The following SGCD variants were observed in gnomAD, a reference collection of about 807,000 sequenced individuals.
SGCD encodes the protein delta-sarcoglycan.
Under a neutral mutation model 36.6 loss-of-function variants are expected in SGCD, and 18 were observed. That is an observed-to-expected ratio of 0.49 (90% CI 0.34 to 0.73). The LOEUF is 0.73. SGCD is among the 30% of genes least tolerant of loss of function. SGCD has a pLI of 0.01. For missense variants in SGCD, 387 were observed against 346.7 expected (o/e 1.12, Z -0.92); for synonymous variants, 133 against 130.6 (o/e 1.02, Z -0.12).
upstream of SGCD, among the ~76,000 whole-genome samples, chr5:156,322,520 C>T (rs931955313): frequency 1.3e-5 from 2 of 152,020 alleles, no homozygotes; most frequent in African/African-American, 4.8e-5. Context: ...TATGTATATA[C>T]AACTAAAATA....
chr5:155,896,519 G>A (rs555319307), intron 1 of SGCD, among the ~76,000 whole-genome samples: 18 of 151,114 alleles, frequency 1.2e-4, no homozygotes, highest in South Asian at 1.1e-3. Flanking sequence ...GATGATGTGC[G>A]CTTATAGTTC....
intron 1 of SGCD, among the ~76,000 whole-genome samples, chr5:156,083,401 T>A (rs1380072831): frequency 6.6e-6 from 1 of 151,982 alleles, no homozygotes; most frequent in Non-Finnish European, 1.5e-5. Context: ...TCCAAGTGAT[T>A]CTCCCACCAC....
upstream of SGCD, among the ~76,000 whole-genome samples, chr5:155,868,224 G>T (rs1385967310): frequency 6.6e-6 from 1 of 151,780 alleles, no homozygotes; most frequent in East Asian, 1.9e-4. Context: ...GCTAATTTTT[G>T]TATTTTTACT....
intron 7 of SGCD, among the ~76,000 whole-genome samples, chr5:156,706,448 C>T (rs1000859493): frequency 2.6e-5 from 4 of 152,046 alleles, no homozygotes; most frequent in African/African-American, 7.2e-5. Flanking sequence ...TCCTTAACCC[C>T]GCCTTAAGAC....
chr5:156,085,668 C>G (rs1761074122), intron 1 of SGCD, among the ~76,000 whole-genome samples: 1 of 152,130 alleles, frequency 6.6e-6, no homozygotes, highest in African/African-American at 2.4e-5. Flanking sequence ...AGTCTATTTT[C>G]TATTTTCTGA....
intron 4 of SGCD, among the ~76,000 whole-genome samples, chr5:156,529,104 AG>A (rs1757767737): frequency 6.6e-6 from 1 of 151,974 alleles, no homozygotes; most frequent in East Asian, 1.9e-4. Context: ...AGTACATTTG[AG>A]GAGAATAATA....
intron 1 of SGCD, among the ~76,000 whole-genome samples, chr5:156,031,162 CT>C (rs1381574269): frequency 3.3e-5 from 5 of 152,160 alleles, no homozygotes; most frequent in African/African-American, 1.2e-4. Flanking sequence ...CCCTAGAAGG[CT>C]TTTTATGACA....
At chr5:156,184,858 C>G (rs1347441552) in intron 3 of SGCD, among the ~76,000 whole-genome samples, 2 of 152,160 alleles carry the variant, frequency 1.3e-5, no homozygotes, top group Non-Finnish European at 2.9e-5. Flanking sequence ...TAACCCAGTG[C>G]TGCCTGCTGT....
intron 3 of SGCD, among the ~76,000 whole-genome samples, chr5:156,390,461 C>T (rs1318856457): frequency 2.0e-5 from 3 of 152,238 alleles, no homozygotes; most frequent in South Asian, 2.1e-4. Context: ...GGCACAATGG[C>T]TCACGCCTGT....
At chr5:156,310,492 G>C (rs1767363689) in intron 3 of SGCD, among the ~76,000 whole-genome samples, 1 of 152,114 alleles carries the variant, frequency 6.6e-6, no homozygotes, top group African/African-American at 2.4e-5. Flanking sequence ...TCAGGGGATG[G>C]GTAGCTGCTA....
chr5:156,316,120 T>G (rs1252928123), intron 3 of SGCD, among the ~76,000 whole-genome samples: 1 of 151,930 alleles, frequency 6.6e-6, no homozygotes, highest in Non-Finnish European at 1.5e-5. Flanking sequence ...ATGAATTTCA[T>G]AAAGTTATAG....
At chr5:156,613,792 A>T (rs1205850126) in intron 6 of SGCD, among the ~76,000 whole-genome samples, 1 of 152,224 alleles carries the variant, frequency 6.6e-6, no homozygotes, top group Non-Finnish European at 1.5e-5. Context: ...TAACTTTCAA[A>T]TGAGTTCAGG....
chr5:155,793,953 G>GA, the SGCD span, among the ~76,000 whole-genome samples: 40,870 of 100,202 alleles, frequency 0.41, 6,350 homozygotes, highest in East Asian at 0.49. Context: ...AAGCAAAAAT[G>GA]AAAAAAAAAA....
chr5:156,018,430 A>T (rs1476475909), intron 1 of SGCD, among the ~76,000 whole-genome samples: 1 of 152,228 alleles, frequency 6.6e-6, no homozygotes, highest in Non-Finnish European at 1.5e-5. Flanking sequence ...GATATGATTA[A>T]CAAACATACA....
rs146872915 is a variant in SGCD, at chr5:155,879,176, A to G, written c.-282+8752A>G. Among the ~76,000 whole-genome samples, 526 of 152,272 alleles carry G rather than the reference A, an allele frequency of 3.5e-3. 1 individual carries two copies. The highest frequency in any genetic ancestry group is 9.1e-3 in the South Asian group (44 of 4,832). On this transcript the variant is annotated intron_variant, in intron 1 of 9. Coordinates refer to the SGCD transcript ENST00000517913. ...AAAGATTACCTGGCTCTTAGCCAAA[A>G]CCTATGAACTTTTCATTCTAAGCAT...
At chr5:155,813,534 A>C in the SGCD span, among the ~76,000 whole-genome samples, 2 of 152,200 alleles carry the variant, frequency 1.3e-5, no homozygotes, top group African/African-American at 4.8e-5. Flanking sequence ...GATCACTGAG[A>C]AGTGATCATA....
At chr5:156,553,067 G>C (rs998791496) in intron 4 of SGCD, among the ~76,000 whole-genome samples, 1 of 152,174 alleles carries the variant, frequency 6.6e-6, no homozygotes, top group African/African-American at 2.4e-5. Flanking sequence ...GGCAGCCAGC[G>C]TGTGTGGAGA....
At chr5:156,621,120 A>G (rs1170147730) in intron 6 of SGCD, among the ~76,000 whole-genome samples, 4 of 152,204 alleles carry the variant, frequency 2.6e-5, no homozygotes, top group Non-Finnish European at 5.9e-5. Flanking sequence ...TACTCTGGCC[A>G]GCTGCTGTGT....
intron 3 of SGCD, among the ~76,000 whole-genome samples, chr5:156,357,802 G>A (rs17053467): frequency 0.013 from 1,943 of 151,856 alleles, 47 homozygotes; most frequent in African/African-American, 0.045. Flanking sequence ...ATTTTGACCG[G>A]CTTTTAATTA....
Sources: gnomAD v4.1 joint callset for allele counts (sites outside exome capture counted in the v4.1 genomes callset) on GRCh38, gnomAD v4.1.1 for gene constraint, MANE v1.5 for transcripts, NCBI Gene and HGNC (gene_info 2026-07-23, HGNC 2026-07-21) for gene names.